The following PODN variants were observed in gnomAD, a reference collection of about 807,000 sequenced individuals.
PODN encodes the protein podocan proteoglycan.
A neutral mutation model predicts 52.7 loss-of-function variants in PODN; 40 were observed. The observed-to-expected ratio is 0.76, with a 90% CI of 0.59 to 0.99. The LOEUF is 0.99. Ranked by LOEUF, PODN falls within the 50% of genes least tolerant of loss-of-function variation. PODN has a pLI of 0.00. For missense variants in PODN, 720 were observed against 815.1 expected (o/e 0.88, Z 1.42); for synonymous variants, 396 against 377.9 (o/e 1.05, Z -0.56).
chr1:53,066,770 G>A, intron 1 of PODN: 3 of 1,501,890 alleles, frequency 2.0e-6, no homozygotes, highest in Non-Finnish European at 9.1e-7. Flanking sequence ...TTTCAGTACG[G>A]TGCAGAATGT....
intron 5 of PODN, among the ~76,000 whole-genome samples, chr1:53,076,455 C>G (rs1036367403): frequency 3.3e-5 from 5 of 152,168 alleles, no homozygotes; most frequent in Non-Finnish European, 7.3e-5. Flanking sequence ...CTGTACACGG[C>G]CCCATCCCAC....
chr1:53,071,838 C>T (rs1261115863), intron 3 of PODN, among the ~76,000 whole-genome samples: 4 of 151,834 alleles, frequency 2.6e-5, no homozygotes, highest in Non-Finnish European at 4.4e-5. Flanking sequence ...GAACACTACA[C>T]GGATATTTCT....
rs776992089 is a variant in PODN, at chr1:53,078,782, C to T, written c.1272C>T (p.Asp424=). 1.3e-5 allele frequency: 21 copies of T among 1,613,116 alleles called. No individual in the cohort carries two copies. Among genetic ancestry groups the T allele is most frequent in the Admixed American group, 1.7e-5 (1 of 60,016 alleles). The part of the protein sequence containing the change: ...NRITSPQVHR[D]AFRKLRLLRS... ...TCACCAGCCCGCAGGTGCACCGCGA[C>T]GCCTTCCGCAAGCTGCGCCTGCTGC... Residue 424 remains aspartate, a synonymous_variant, in exon 8 of 11, where the codon GAC becomes GAT. Coordinates refer to ENST00000312553, the MANE Select transcript of PODN (RefSeq NM_153703.5).
intron 1 of PODN, chr1:53,063,439 G>T: frequency 1.0e-6 from 1 of 985,564 alleles, no homozygotes; most frequent in Non-Finnish European, 1.2e-6. Context: ...GCCCCTGGGT[G>T]GTCCCGTCCC....
intron 1 of PODN, among the ~76,000 whole-genome samples, chr1:53,067,327 C>T (rs1375613615): frequency 6.6e-6 from 1 of 151,990 alleles, no homozygotes; most frequent in Admixed American, 6.6e-5. Context: ...CTCCTTGGGA[C>T]CCCTTTTACG....
In PODN at chr1:53,084,921, C is replaced by A; in HGVS notation, c.*436C>A. 1 of 152,658 alleles carries A rather than the reference C, an allele frequency of 6.6e-6. No individual in the cohort carries two copies. The allele number at this position is 152,658 out of a possible 1,614,324, so 9.5% of individuals were successfully genotyped here. On this transcript the variant is annotated 3_prime_UTR_variant, in exon 11 of 11. Coordinates refer to ENST00000312553, the MANE Select transcript of PODN (RefSeq NM_153703.5). ...ATGCACAAGTCATGTGCGAACAGCC[C>A]TCCAAAGCCTATGCCACAGACAGCT...
intron 3 of PODN, 39 bp from the exon 4 acceptor site, chr1:53,074,567 C>T: frequency 6.2e-7 from 1 of 1,612,544 alleles, no homozygotes; most frequent in Non-Finnish European, 8.5e-7. Context: ...TGTGGCGTCT[C>T]CTCCATCCAG....
chr1:53,076,821 T>C (rs1644201184), intron 5 of PODN, among the ~76,000 whole-genome samples: 1 of 152,114 alleles, frequency 6.6e-6, no homozygotes, highest in Non-Finnish European at 1.5e-5. Context: ...TAGGAAGTCC[T>C]AGGAACTCAG....
intron 1 of PODN, chr1:53,066,836 AT>A (rs1644039586): frequency 6.5e-7 from 1 of 1,549,614 alleles, no homozygotes; most frequent in Non-Finnish European, 8.7e-7. Flanking sequence ...CAGATACCAA[AT>A]GGAAGGCGAG....
At chr1:53,076,061 C>A in intron 5 of PODN, 90 bp downstream of exon 5, 1 of 1,125,234 alleles carries the variant, frequency 8.9e-7, no homozygotes, top group Non-Finnish European at 1.3e-6. Context: ...AGAGACAGGT[C>A]CCGAAGGAGG....
At chr1:53,083,293 G>C (rs964014700) in intron 10 of PODN, among the ~76,000 whole-genome samples, 3 of 152,234 alleles carry the variant, frequency 2.0e-5, no homozygotes, top group Non-Finnish European at 4.4e-5. Context: ...CTCGAGGGGA[G>C]CCCTGTGTGA....
At chr1:53,062,915 AG>A (rs1643978856) in intron 1 of PODN, among the ~76,000 whole-genome samples, 1 of 152,238 alleles carries the variant, frequency 6.6e-6, no homozygotes, top group African/African-American at 2.4e-5. Flanking sequence ...GTTGAGCTAA[AG>A]GTCTCAGCTG....
At chr1:53,065,574 G>A (rs946501090) in intron 1 of PODN, among the ~76,000 whole-genome samples, 2 of 152,152 alleles carry the variant, frequency 1.3e-5, no homozygotes, top group African/African-American at 2.4e-5. Flanking sequence ...CCAGGGGCAG[G>A]CCCCTTAGCC....
chr1:53,067,534 C>G (rs889636869), intron 1 of PODN, among the ~76,000 whole-genome samples: 10 of 152,110 alleles, frequency 6.6e-5, no homozygotes, highest in African/African-American at 2.4e-4. Flanking sequence ...TGAACTCCCA[C>G]AGCCACCACA....
At chr1:53,080,586 TGG>T in intron 8 of PODN, 140 bp from the exon 9 acceptor site, 2 of 821,174 alleles carry the variant, frequency 2.4e-6, no homozygotes, top group Non-Finnish European at 3.8e-6. Flanking sequence ...ATCTGGGAAG[TGG>T]GGATAATTAT....
At chr1:53,077,628 C>G in intron 6 of PODN, 57 bp from the exon 7 acceptor site, 2 of 1,512,826 alleles carry the variant, frequency 1.3e-6, no homozygotes, top group Non-Finnish European at 1.8e-6. Flanking sequence ...ATCCCGAGGC[C>G]CTGACCTTGC....
chr1:53,067,497 AACC>A (rs761489845), intron 1 of PODN, among the ~76,000 whole-genome samples: 10 of 152,214 alleles, frequency 6.6e-5, no homozygotes, highest in South Asian at 6.2e-4. Context: ...GAACTGGGTG[AACC>A]ACCAAGTGAG....
intron 1 of PODN, among the ~76,000 whole-genome samples, chr1:53,067,630 C>T (rs530805497): frequency 3.3e-5 from 5 of 152,184 alleles, no homozygotes; most frequent in African/African-American, 1.2e-4. Flanking sequence ...AAAGCCCAAA[C>T]GAAGGTCCAG....
chr1:53,070,153 C>T lies in PODN; in HGVS notation c.298C>T (p.His100Tyr). 6.2e-7 allele frequency: 1 copy of T among 1,609,112 alleles called. No individual in the cohort carries two copies. The highest frequency in any genetic ancestry group is 8.5e-7 in the Non-Finnish European group (1 of 1,179,972). The change falls in exon 2 of 11, where the codon CAC (histidine) becomes TAC (tyrosine). Residue 100 changes from histidine (H) to tyrosine (Y), a missense_variant. By Grantham distance (83) the His-to-Tyr change is moderately conservative. Coordinates refer to ENST00000312553, the MANE Select transcript of PODN (RefSeq NM_153703.5). ...FPGDLPEHTN[H>Y]LSLQNNQLEK... ...GGGGGACCTGCCTGAGCACACCAACCACCTATCTCTGCAGGTGAGGTCGGC... is the reference window on the plus strand; with the variant it reads ...GGGGGACCTGCCTGAGCACACCAACTACCTATCTCTGCAGGTGAGGTCGGC...
Sources: allele counts gnomAD v4.1 joint callset (sites outside exome capture counted in the v4.1 genomes callset), GRCh38; gene constraint gnomAD v4.1.1; transcripts MANE v1.5; gene names NCBI Gene and HGNC (gene_info 2026-07-23, HGNC 2026-07-21).